LPP: variants seen among roughly 807,000 people sequenced by gnomAD.
LPP encodes LIM domain containing preferred translocation partner in lipoma.
Under a neutral mutation model 60.4 loss-of-function variants are expected in LPP, and 38 were observed. The ratio of observed to expected loss-of-function variants is 0.63; its 90% CI spans 0.49 to 0.83. LPP has a LOEUF of 0.83. Among genes scored for constraint, LPP ranks in the 40% least tolerant of loss-of-function variants. LPP has a pLI of 0.00. For missense variants in LPP, 902 were observed against 783.6 expected, an observed-to-expected ratio of 1.15 and a Z score of -1.80; for synonymous variants, 328 against 290.8, an observed-to-expected ratio of 1.13 and a Z score of -1.30.
intron 4 of LPP, among the ~76,000 whole-genome samples, chr3:188,451,463 C>T (rs9810430): frequency 0.96 from 146,288 of 152,254 alleles, 70,367 homozygotes; most frequent in East Asian, 0.99. Context: ...CATTCCTTCA[C>T]ATTTTTCAAT....
chr3:188,757,889 G>GTTTTTTTTTTTTTTTTT (rs750488243), intron 8 of LPP, among the ~76,000 whole-genome samples: 16 of 78,730 alleles, frequency 2.0e-4, no homozygotes, highest in Non-Finnish European at 3.3e-4. Flanking sequence ...TGTTTTTTTG[G>GTTTTTTTTTTTTTTTTT]TTTTTTTTTT....
intron 2 of LPP, among the ~76,000 whole-genome samples, chr3:188,318,744 A>G (rs1266580001): frequency 6.8e-6 from 1 of 146,246 alleles, no homozygotes; most frequent in African/African-American, 2.5e-5. Flanking sequence ...TTGAAAAAAA[A>G]TTATGATTCT....
intron 8 of LPP, among the ~76,000 whole-genome samples, chr3:188,741,148 A>G (rs1191578057): frequency 6.6e-6 from 1 of 151,402 alleles, no homozygotes; most frequent in African/African-American, 2.4e-5. Context: ...GAAACGTGTT[A>G]TTTAAACTAA....
intron 4 of LPP, among the ~76,000 whole-genome samples, chr3:188,465,532 G>A (rs1800170314): frequency 6.6e-6 from 1 of 152,172 alleles, no homozygotes; most frequent in Non-Finnish European, 1.5e-5. Flanking sequence ...TCCAAAGAAT[G>A]TGTGTGTCGG....
At chr3:188,725,073 C>G (rs1717868030) in intron 8 of LPP, among the ~76,000 whole-genome samples, 1 of 152,224 alleles carries the variant, frequency 6.6e-6, no homozygotes, top group East Asian at 1.9e-4. Context: ...AAGTCAGACA[C>G]TGATTAACTG....
At chr3:188,781,898 A>C (rs991873580) in intron 9 of LPP, among the ~76,000 whole-genome samples, 1 of 137,334 alleles carries the variant, frequency 7.3e-6, no homozygotes, top group South Asian at 2.6e-4. Flanking sequence ...TCTCAAAAAA[A>C]AAAAAAAAAA....
intron 5 of LPP, among the ~76,000 whole-genome samples, chr3:188,494,659 G>A (rs965150314): frequency 6.6e-6 from 1 of 151,862 alleles, no homozygotes; most frequent in Admixed American, 6.6e-5. Context: ...CACAGAAAAC[G>A]TGCTCTCTGA....
intron 8 of LPP, among the ~76,000 whole-genome samples, chr3:188,732,114 T>G (rs1720831989): frequency 6.6e-6 from 1 of 152,196 alleles, no homozygotes; most frequent in African/African-American, 2.4e-5. Context: ...GTAGAAACTT[T>G]CATGGAATAC....
intron 9 of LPP, among the ~76,000 whole-genome samples, chr3:188,843,670 C>G (rs925919505): frequency 2.8e-5 from 4 of 144,596 alleles, no homozygotes; most frequent in Admixed American, 1.3e-4. Context: ...GCCTGTAGTC[C>G]CAGCTACTCG....
At position 188,703,153 on chromosome 3, in the gene LPP, T is replaced by A. The variant is rs373831689; in HGVS notation, c.1114-5114T>A. On this transcript the variant is annotated intron_variant, in intron 7 of 11. Coordinates refer to ENST00000617246, the MANE Select transcript of LPP (RefSeq NM_001375462.1). ...AACATGAGGAATTAATATGCTACAG[T>A]GAATATGTTGCTGATACAACTCACA... Among the ~76,000 whole-genome samples, 14 of 152,214 alleles carry A rather than the reference T, an allele frequency of 9.2e-5. 1 individual carries two copies. The highest frequency in any genetic ancestry group is 3.9e-4 in the East Asian group (2 of 5,176).
At chr3:188,323,995 T>C (rs1757666061) in intron 2 of LPP, among the ~76,000 whole-genome samples, 1 of 152,220 alleles carries the variant, frequency 6.6e-6, no homozygotes, top group African/African-American at 2.4e-5. Context: ...TGTTGCAATG[T>C]GGTTGACACA....
At chr3:188,240,522 T>A in intron 2 of LPP, among the ~76,000 whole-genome samples, 1 of 152,290 alleles carries the variant, frequency 6.6e-6, no homozygotes, top group East Asian at 1.9e-4. Flanking sequence ...CTTTATTTTG[T>A]AGGGAAGGAA....
At chr3:188,390,119 G>A (rs1779347440) in intron 3 of LPP, among the ~76,000 whole-genome samples, 1 of 152,158 alleles carries the variant, frequency 6.6e-6, no homozygotes, top group Admixed American at 6.5e-5. Context: ...TCTTGGAGCT[G>A]TGTCTCCGTG....
intron 6 of LPP, among the ~76,000 whole-genome samples, chr3:188,586,659 G>A (rs1432281682): frequency 4.0e-5 from 6 of 151,856 alleles, no homozygotes; most frequent in Non-Finnish European, 7.4e-5. Context: ...GCTGAGCAGT[G>A]TAATATGTGA....
At chr3:188,476,917 C>G (rs775318997) in intron 4 of LPP, among the ~76,000 whole-genome samples, 5 of 152,094 alleles carry the variant, frequency 3.3e-5, no homozygotes, top group Non-Finnish European at 7.4e-5. Context: ...ATGGAATGGC[C>G]AAGCCTTGCC....
chr3:188,441,609 C>CTTTTTTTTTTTTTTTTTTTTTTTTT lies in LPP; in HGVS notation c.193+35301_193+35325dup, dbSNP rs1004222826. On this transcript the variant is annotated intron_variant, in intron 4 of 11. Coordinates refer to ENST00000617246, the MANE Select transcript of LPP (RefSeq NM_001375462.1). The stretch of plus-strand genomic sequence containing the variant: ...ACAGTTTCTTTTTTTCTTTTCTTTT[C>CTTTTTTTTTTTTTTTTTTTTTTTTT]TTTTTTTTTTTTTTTTTTTTTTTTT... 6.5e-4 allele frequency among the ~76,000 whole-genome samples: 36 copies of CTTTTTTTTTTTTTTTTTTTTTTTTT among 55,662 alleles called. 5 individuals are homozygous for CTTTTTTTTTTTTTTTTTTTTTTTTT. Among genetic ancestry groups the CTTTTTTTTTTTTTTTTTTTTTTTTT allele is most frequent in the Admixed American group, 1.2e-3 (6 of 5,082 alleles). The allele number at this position is 55,662 out of a possible 152,430, so 36.5% of individuals were successfully genotyped here. A position where few individuals can be genotyped will look rare whatever the true frequency, so the allele number is the denominator to read the frequency against.
intron 6 of LPP, among the ~76,000 whole-genome samples, chr3:188,563,069 G>A (rs922853991): frequency 2.0e-5 from 3 of 151,898 alleles, no homozygotes; most frequent in African/African-American, 7.2e-5. Flanking sequence ...TACACACACG[G>A]TTGAGTGAGT....
intron 4 of LPP, among the ~76,000 whole-genome samples, chr3:188,465,259 A>G (rs1418006163): frequency 6.6e-6 from 1 of 152,060 alleles, no homozygotes; most frequent in East Asian, 1.9e-4. Context: ...ATTTTCATCT[A>G]TTGGCACCCA....
intron 2 of LPP, among the ~76,000 whole-genome samples, chr3:188,242,970 G>T (rs1202971613): frequency 6.6e-6 from 1 of 152,188 alleles, no homozygotes; most frequent in Non-Finnish European, 1.5e-5. Flanking sequence ...TTCAGAATTT[G>T]AGTATAAAAA....
Sources: allele counts gnomAD v4.1 joint callset (sites outside exome capture counted in the v4.1 genomes callset), GRCh38; gene constraint gnomAD v4.1.1; transcripts MANE v1.5; gene names NCBI Gene and HGNC (gene_info 2026-07-23, HGNC 2026-07-21).